Variants in TTC39A observed in about 807,000 individuals in gnomAD.
TTC39A encodes tetratricopeptide repeat domain 39A.
Under a neutral mutation model 82.3 loss-of-function variants are expected in TTC39A, and 46 were observed. That is an observed-to-expected ratio of 0.56 (90% CI 0.44 to 0.71). TTC39A has a LOEUF of 0.71. Ranked by LOEUF, TTC39A falls within the 30% of genes least tolerant of loss-of-function variation. TTC39A has a pLI of 0.00. For synonymous variants in TTC39A, 254 were observed against 275.2 expected (o/e 0.92, Z 0.76); for missense variants, 543 against 712.9 (o/e 0.76, Z 2.71).
intron 1 of TTC39A, among the ~76,000 whole-genome samples, chr1:51,322,940 T>G (rs1211327240): frequency 6.6e-6 from 1 of 152,234 alleles, no homozygotes; most frequent in Non-Finnish European, 1.5e-5. Flanking sequence ...AATTGAAACA[T>G]GTCTTTTTCA....
At chr1:51,330,623 G>C (rs1414036844), upstream of TTC39A, 3 of 983,238 alleles carry the variant, frequency 3.1e-6, no homozygotes, top group South Asian at 1.4e-4. The surrounding 1 kb of genome is among the most constrained non-coding windows in gnomAD (Gnocchi z 4.5). Flanking sequence ...CGGCGGGGCC[G>C]GGCCGAGCCT....
chr1:51,327,394 T>G (rs1431459253), intron 1 of TTC39A, among the ~76,000 whole-genome samples: 2 of 152,206 alleles, frequency 1.3e-5, no homozygotes, highest in Non-Finnish European at 2.9e-5. Flanking sequence ...GTGACTCTCC[T>G]TCCAAAGAGT....
Position 51,321,955 on chromosome 1 carries a change from A to C in TTC39A, c.42-130T>G. 2.3e-6 allele frequency: 3 copies of C among 1,319,352 alleles called. No homozygotes were observed. The highest frequency in any genetic ancestry group is 3.2e-6 in the Non-Finnish European group (3 of 951,068). The allele number at this position is 1,319,352 out of a possible 1,614,324, so 81.7% of individuals were successfully genotyped here. A position where few individuals can be genotyped will look rare whatever the true frequency, so the allele number is the denominator to read the frequency against. ...TTGGGTGCCTGTCACGAGCTCCTCC[A>C]GGCTGCCACTCTGTACTGGGACGCA... On this transcript the variant is annotated intron_variant, in intron 1 of 17. Transcript: ENST00000680483. The surrounding 1 kb of genome is among the most constrained non-coding windows in gnomAD (Gnocchi z 4.6).
upstream of TTC39A, chr1:51,331,170 T>C (rs1250993036): frequency 3.9e-6 from 6 of 1,544,830 alleles, no homozygotes; most frequent in African/African-American, 1.4e-5. Flanking sequence ...AGTGGCAAGC[T>C]AGGACTGGAA....
At chr1:51,313,137 G>C (rs1192498214) in intron 2 of TTC39A, among the ~76,000 whole-genome samples, 194 bp from the exon 3 acceptor site, 1 of 152,198 alleles carries the variant, frequency 6.6e-6, no homozygotes, top group Non-Finnish European at 1.5e-5. Flanking sequence ...TTTCCAGCTT[G>C]CCTTCTTCCT....
chr1:51,302,776 A>G (rs1473381112), intron 9 of TTC39A, among the ~76,000 whole-genome samples: 1 of 152,190 alleles, frequency 6.6e-6, no homozygotes, highest in Non-Finnish European at 1.5e-5. Flanking sequence ...CTCGATAACC[A>G]GGAGCCTGCA....
chr1:51,288,218 A>G lies in TTC39A; in HGVS notation c.1673T>C (p.Leu558Pro). 2 of 1,614,018 alleles carry G rather than the reference A, an allele frequency of 1.2e-6. No homozygotes were observed. Among genetic ancestry groups the G allele is most frequent in the Non-Finnish European group, 1.7e-6 (2 of 1,179,892 alleles). The change falls in exon 18 of 18, where the codon CTC (leucine) becomes CCC (proline). Residue 558 changes from leucine to proline, a missense_variant. Physicochemically the swap from Leu to Pro is moderately conservative, Grantham distance 98 (BLOSUM62 -3). Coordinates refer to ENST00000680483, the MANE Select transcript of TTC39A (RefSeq NM_001297663.2). This position sits in a 1 kb window ranked among gnomAD's most constrained non-coding sequence, Gnocchi z 4.8. The stretch of plus-strand genomic sequence containing the variant: ...GTTCTCTAGGGAAGACTTGGCTTGG[A>G]GTGTGGCTGCCTGGATTCGAAAGTG... The part of the protein sequence containing the change: ...RTHFRIQAAT[L>P]QAKSSLENSS...
chr1:51,305,436 T>C (rs942587098), intron 7 of TTC39A: 2 of 377,562 alleles, frequency 5.3e-6, no homozygotes, highest in African/African-American at 4.2e-5. Flanking sequence ...GATCAGGCAG[T>C]TTTCCCAGCC....
chr1:51,321,798 G>A lies in TTC39A; in HGVS notation c.69C>T (p.Ala23=), dbSNP rs1645530527. 6.2e-7 allele frequency: 1 copy of A among 1,613,782 alleles called. No individual in the cohort carries two copies. Among genetic ancestry groups the A allele is most frequent in the Non-Finnish European group, 8.5e-7 (1 of 1,179,826 alleles). ...CCAGGGCGGTCATGCACTGGTCCAG[G>A]GCCTCATGGAGGCTGCTCTCAGGAG... is the stretch of plus-strand genomic sequence containing the variant. The part of the protein sequence containing the change: ...AGTPESSLHE[A]LDQCMTALDL... The change falls in exon 2 of 18, where the codon GCC becomes GCT. Residue 23 remains alanine, a synonymous_variant. Coordinates refer to ENST00000680483, the MANE Select transcript of TTC39A (RefSeq NM_001297663.2). This position sits in a 1 kb window ranked among gnomAD's most constrained non-coding sequence, Gnocchi z 4.6.
At chr1:51,290,338 A>G (rs1413269875) in intron 15 of TTC39A, among the ~76,000 whole-genome samples, 176 bp downstream of exon 15, 1 of 152,238 alleles carries the variant, frequency 6.6e-6, no homozygotes, top group Non-Finnish European at 1.5e-5. Context: ...GCGGGAGCCC[A>G]GAGGCTTTGA....
chr1:51,337,576 G>A (rs900220767), intron 1 of TTC39A, among the ~76,000 whole-genome samples: 3 of 151,790 alleles, frequency 2.0e-5, no homozygotes, highest in African/African-American at 4.8e-5. Context: ...ACAGGTGCCC[G>A]CCACCATGCC....
At position 51,321,982 on chromosome 1, in the gene TTC39A, G is replaced by A; in HGVS notation, c.42-157C>T. 7.4e-7 allele frequency: 1 copy of A among 1,359,406 alleles called. No homozygotes were observed. The highest frequency in any genetic ancestry group is 2.2e-5 in the Admixed American group (1 of 45,678). The allele number at this position is 1,359,406 out of a possible 1,614,324, so 84.2% of individuals were successfully genotyped here. On this transcript the variant is annotated intron_variant, in intron 1 of 17. Coordinates refer to ENST00000680483, the MANE Select transcript of TTC39A (RefSeq NM_001297663.2). The surrounding 1 kb of genome is among the most constrained non-coding windows in gnomAD (Gnocchi z 4.6). The stretch of plus-strand genomic sequence containing the variant: ...GCTGCCACTCTGTACTGGGACGCAG[G>A]GACAATTTGGACCCACCTCTTGGTG...
chr1:51,323,729 G>A (rs1236028937), intron 1 of TTC39A, among the ~76,000 whole-genome samples: 2 of 151,920 alleles, frequency 1.3e-5, no homozygotes, highest in Non-Finnish European at 2.9e-5. Flanking sequence ...ATTCCACTTG[G>A]TTCTTTTTCA....
rs970931299 is a variant in TTC39A, at chr1:51,287,639, T to C, written c.*518A>G. 1.9e-5 allele frequency: 3 copies of C among 156,410 alleles called. No individual in the cohort carries two copies. Among genetic ancestry groups the C allele is most frequent in the African/African-American group, 7.2e-5 (3 of 41,558 alleles). The allele number at this position is 156,410 out of a possible 1,614,324, so 9.7% of individuals were successfully genotyped here. On this transcript the variant is annotated 3_prime_UTR_variant, in exon 18 of 18. Transcript: ENST00000680483. ...ATCCTCATGCCCAACCCCAGAAGCA[T>C]TGAAGCCTGAGGCTTAGCCTCTCCC...
chr1:51,311,115 T>C (rs1162991492), intron 5 of TTC39A, 139 bp downstream of exon 5: 3 of 789,842 alleles, frequency 3.8e-6, no homozygotes, highest in East Asian at 2.8e-5. Context: ...GTGTGAAGGA[T>C]GGGACACGAT....
rs570595644 is a variant in TTC39A, at chr1:51,322,029, G to A, written c.42-204C>T. The A allele has an allele frequency of 9.4e-6, 14 of 1,494,420 alleles. No homozygotes were observed. In the East Asian group the frequency reaches 3.0e-4, roughly 32 times the overall value. 92.6% of individuals were successfully genotyped at this position (1,494,420 alleles called of 1,614,324 possible). A position where few individuals can be genotyped will look rare whatever the true frequency, so the allele number is the denominator to read the frequency against. On this transcript the variant is annotated intron_variant, in intron 1 of 17. Coordinates refer to ENST00000680483, the MANE Select transcript of TTC39A (RefSeq NM_001297663.2). ...GGTGTTCCCAAGGGTGGGAGGGGGA[G>A]CAGAAGGGAATGTCATCAGAGATCT...
upstream of TTC39A, among the ~76,000 whole-genome samples, chr1:51,335,671 T>C (rs1645965995): frequency 6.7e-6 from 1 of 150,168 alleles, no homozygotes; most frequent in Non-Finnish European, 1.5e-5. Context: ...GATGAGAAAA[T>C]AGAGGCTTGG....
In TTC39A at chr1:51,287,417, A is replaced by T. The variant is rs1644033968; in HGVS notation, c.*740T>A. 6.6e-6 allele frequency: 1 copy of T among 152,096 alleles called. No homozygotes were observed. Among genetic ancestry groups the T allele is most frequent in the African/African-American group, 2.4e-5 (1 of 41,420 alleles). The allele number at this position is 152,096 out of a possible 1,614,324, so 9.4% of individuals were successfully genotyped here. On this transcript the variant is annotated 3_prime_UTR_variant, in exon 18 of 18. Transcript: ENST00000680483. ...TCTGAGAACCTCCTCCTGCCCCCCA[A>T]ATTTCCTGGCTTTGGCATAGAAAGG...
chr1:51,294,886 C>T lies in TTC39A; in HGVS notation c.1146-375G>A, dbSNP rs72906140. Among the ~76,000 whole-genome samples, 492 of 152,342 alleles carry T rather than the reference C, an allele frequency of 3.2e-3. 3 individuals are homozygous for T. Among genetic ancestry groups the T allele is most frequent in the African/African-American group, 0.011 (473 of 41,572 alleles). On this transcript the variant is annotated intron_variant, in intron 13 of 17. Coordinates refer to ENST00000680483, the MANE Select transcript of TTC39A (RefSeq NM_001297663.2). The surrounding 1 kb of genome is among the most constrained non-coding windows in gnomAD (Gnocchi z 4.3). The stretch of plus-strand genomic sequence containing the variant: ...CAATTTCACAGGAGAGACCAACACT[C>T]GGAGAAAGGGTGGGACCTACCCAAG...
Sources: gnomAD v4.1 joint callset for allele counts (sites outside exome capture counted in the v4.1 genomes callset) on GRCh38, gnomAD v4.1.1 for gene constraint, Gnocchi (gnomAD v3.1) non-coding constraint, MANE v1.5 for transcripts, NCBI Gene and HGNC (gene_info 2026-07-23, HGNC 2026-07-21) for gene names.